FBXL17: variants seen among roughly 807,000 people sequenced by gnomAD.
The protein encoded by FBXL17 is F-box and leucine rich repeat protein 17.
A neutral mutation model predicts 66.2 loss-of-function variants in FBXL17; 22 were observed. The observed-to-expected ratio is 0.33, with a 90% confidence interval of 0.24 to 0.47. The LOEUF is 0.47. Ranked by LOEUF, FBXL17 falls within the 20% of genes least tolerant of loss-of-function variation. The pLI, the probability that FBXL17 is intolerant of heterozygous loss-of-function variation, is 1.00. For missense variants in FBXL17, 878 were observed against 948.2 expected, an observed-to-expected ratio of 0.93 and a Z score of 0.97; for synonymous variants, 474 against 400.5, an observed-to-expected ratio of 1.18 and a Z score of -2.19.
chr5:107,982,914 G>A (rs777894414), intron 7 of FBXL17, among the ~76,000 whole-genome samples: 7 of 152,080 alleles, frequency 4.6e-5, no homozygotes, highest in Non-Finnish European at 7.4e-5. Flanking sequence ...CCACTGCTAC[G>A]TTTGGCCATG....
At chr5:108,270,185 T>A (rs1757208928) in intron 4 of FBXL17, among the ~76,000 whole-genome samples, 2 of 151,878 alleles carry the variant, frequency 1.3e-5, no homozygotes, top group Non-Finnish European at 2.9e-5. Flanking sequence ...ATATAAAAAA[T>A]TAGATTATAA....
intron 5 of FBXL17, among the ~76,000 whole-genome samples, chr5:108,204,110 G>A (rs1025245235): frequency 2.0e-5 from 3 of 151,716 alleles, no homozygotes; most frequent in Non-Finnish European, 4.4e-5. Flanking sequence ...CCAAATACTC[G>A]GTTAATGTTT....
At chr5:108,045,276 C>T (rs912889616) in intron 6 of FBXL17, among the ~76,000 whole-genome samples, 1 of 151,726 alleles carries the variant, frequency 6.6e-6, no homozygotes, top group Non-Finnish European at 1.5e-5. Flanking sequence ...CCTGTCGCTA[C>T]AAAAAAATAC....
At chr5:107,908,449 T>A (rs59232751) in intron 7 of FBXL17, among the ~76,000 whole-genome samples, 2,350 of 152,238 alleles carry the variant, frequency 0.015, 76 homozygotes, top group African/African-American at 0.054. Flanking sequence ...TTAAAATATA[T>A]CATTTAAAGC....
chr5:108,088,700 CAAAAAAAAAAAAAAAAAAAAA>C (rs57707936), intron 6 of FBXL17, among the ~76,000 whole-genome samples: 8 of 49,300 alleles, frequency 1.6e-4, no homozygotes, highest in Admixed American at 3.0e-4. Context: ...GACTCTATCT[CAAAAAAAAAAAAAAAAAAAAA>C]AAAAAAAAAA....
rs1379529806 is a variant in FBXL17 at position 108,373,409 on chromosome 5, ATATT to A, written c.994-5460_994-5457del. Among the ~76,000 whole-genome samples the A allele has an allele frequency of 3.4e-5, 5 of 146,856 alleles. No individual in the cohort carries two copies. In the South Asian group the frequency reaches 6.3e-4, roughly 19 times the overall value. On this transcript the variant is annotated intron_variant, in intron 1 of 8. Coordinates refer to ENST00000542267, the MANE Select transcript of FBXL17 (RefSeq NM_001163315.3). ...ATATATTAATATATTTAGATATGTT[ATATT>A]TATTTATATAATGTGAGAATTATAT...
At chr5:108,281,862 T>C (rs1209635780) in intron 4 of FBXL17, among the ~76,000 whole-genome samples, 1 of 151,482 alleles carries the variant, frequency 6.6e-6, no homozygotes, top group African/African-American at 2.4e-5. Context: ...ACCATAGAAA[T>C]ACAAAAGATC....
At chr5:108,327,101 C>G (rs753416391) in intron 4 of FBXL17, among the ~76,000 whole-genome samples, 1 of 152,170 alleles carries the variant, frequency 6.6e-6, no homozygotes, top group Non-Finnish European at 1.5e-5. Context: ...AATGGATGAG[C>G]ACATTGTTTT....
At chr5:107,865,067 G>C (rs1054015307) in intron 8 of FBXL17, among the ~76,000 whole-genome samples, 1 of 152,176 alleles carries the variant, frequency 6.6e-6, no homozygotes, top group African/African-American at 2.4e-5. Context: ...TGTAGTCCAA[G>C]CCACTTGGCA....
intron 7 of FBXL17, among the ~76,000 whole-genome samples, chr5:107,957,654 C>T (rs1168713117): frequency 6.6e-6 from 1 of 152,084 alleles, no homozygotes. Flanking sequence ...GCTCACATCA[C>T]CTCAGATTTA....
At chr5:108,054,131 G>A (rs2112829411) in intron 6 of FBXL17, among the ~76,000 whole-genome samples, 1 of 151,992 alleles carries the variant, frequency 6.6e-6, no homozygotes, top group South Asian at 2.1e-4. Flanking sequence ...GGAGAGGGGA[G>A]GGAACTTAGA....
At chr5:108,178,747 C>A (rs992225974) in intron 6 of FBXL17, among the ~76,000 whole-genome samples, 2 of 152,158 alleles carry the variant, frequency 1.3e-5, no homozygotes, top group African/African-American at 4.8e-5. Flanking sequence ...ATAAATACCA[C>A]CCCCAAGCAG....
chr5:108,296,545 C>T (rs774491483), intron 4 of FBXL17, among the ~76,000 whole-genome samples: 1 of 151,732 alleles, frequency 6.6e-6, no homozygotes, highest in Non-Finnish European at 1.5e-5. Flanking sequence ...GATTTATTTA[C>T]TGTACATTAT....
chr5:108,218,962 G>C (rs1754730168), intron 5 of FBXL17, among the ~76,000 whole-genome samples: 1 of 152,052 alleles, frequency 6.6e-6, no homozygotes, highest in African/African-American at 2.4e-5. Flanking sequence ...TATTTTGAGT[G>C]CCTAATCAAC....
In FBXL17 at chr5:107,861,586, A is replaced by G. The variant is rs889704033; in HGVS notation, c.*134T>C. On this transcript the variant is annotated 3_prime_UTR_variant, in exon 9 of 9. Coordinates refer to ENST00000542267, the MANE Select transcript of FBXL17 (RefSeq NM_001163315.3). ...CACTTTTGGTATGCAGTATGCAAAC[A>G]AGACACAAATACACATACTTGAACA... 1.2e-6 allele frequency: 1 copy of G among 800,774 alleles called. No homozygotes were observed. Among genetic ancestry groups the G allele is most frequent in the Admixed American group, 4.2e-5 (1 of 23,830 alleles). 49.6% of individuals were successfully genotyped at this position (800,774 alleles called of 1,614,324 possible). A position where few individuals can be genotyped will look rare whatever the true frequency, so the allele number is the denominator to read the frequency against.
chr5:108,162,520 C>A (rs1429635264), intron 6 of FBXL17, among the ~76,000 whole-genome samples: 1 of 152,072 alleles, frequency 6.6e-6, no homozygotes, highest in Non-Finnish European at 1.5e-5. Flanking sequence ...ATACAAAAAT[C>A]TGGTAAATGA....
At chr5:107,971,180 C>A (rs1752357931) in intron 7 of FBXL17, among the ~76,000 whole-genome samples, 1 of 152,170 alleles carries the variant, frequency 6.6e-6, no homozygotes. Flanking sequence ...GAAAACTTCA[C>A]CAGGCAGAAC....
intron 6 of FBXL17, among the ~76,000 whole-genome samples, chr5:108,154,616 T>TATATAC (rs1554070064): frequency 3.0e-4 from 29 of 96,288 alleles, no homozygotes; most frequent in Middle Eastern, 5.8e-3. Flanking sequence ...AATATATATA[T>TATATAC]ACACACACAC....
In FBXL17 at chr5:108,091,320, T is replaced by C. The variant is rs149485543; in HGVS notation, c.1746-70319A>G. On this transcript the variant is annotated intron_variant, in intron 6 of 8. Coordinates refer to ENST00000542267, the MANE Select transcript of FBXL17 (RefSeq NM_001163315.3). ...CCCACAGACCAGTCCCTTTGCTACT[T>C]AAAAACGGCCTCATTTCCTGAATAA... is the stretch of plus-strand genomic sequence containing the variant. 3.9e-3 allele frequency among the ~76,000 whole-genome samples: 600 copies of C among 152,376 alleles called. 6 individuals are homozygous for C. The highest frequency in any genetic ancestry group is 0.014 in the African/African-American group (572 of 41,588).
Sources: gnomAD v4.1 joint callset for allele counts (sites outside exome capture counted in the v4.1 genomes callset) on GRCh38, gnomAD v4.1.1 for gene constraint, MANE v1.5 for transcripts, NCBI Gene and HGNC (gene_info 2026-07-23, HGNC 2026-07-21) for gene names.